ADGRV1: variants seen among roughly 807,000 people sequenced by gnomAD.
ADGRV1 encodes the protein adhesion G protein-coupled receptor V1.
Under a neutral mutation model 596.2 loss-of-function variants are expected in ADGRV1, and 359 were observed. The observed-to-expected ratio is 0.60, with a 90% CI of 0.55 to 0.66. ADGRV1 has a LOEUF of 0.66. ADGRV1 is among the 30% of genes least tolerant of loss of function. The pLI is 0.00. For synonymous variants in ADGRV1, 2,681 were observed against 2,679.2 expected (o/e 1.00, Z -0.02); for missense variants, 7,274 against 7,575.6 (o/e 0.96, Z 1.48).
intron 85 of ADGRV1, among the ~76,000 whole-genome samples, chr5:91,018,764 C>T (rs76576264): frequency 0.019 from 2,902 of 152,086 alleles, 84 homozygotes; most frequent in African/African-American, 0.065. Flanking sequence ...ACTTAGGATT[C>T]ATGCTAATAC....
intron 85 of ADGRV1, among the ~76,000 whole-genome samples, chr5:91,043,494 A>T (rs888258764): frequency 6.6e-6 from 1 of 152,012 alleles, no homozygotes; most frequent in African/African-American, 2.4e-5. Flanking sequence ...TAGAGCACAG[A>T]CTCGGGAGCC....
rs1766733107 is a variant in ADGRV1, at chr5:90,853,526, A to C, written c.17447A>C (p.Lys5816Thr). ...AGTGGAAACAATCTTCCTACCCTAA[A>C]AAATAAGGTAATCTTTCATTCAAAA... ...FISGNNLPTLKNKVLSLSVKG... is the reference protein window; with the variant it reads ...FISGNNLPTLTNKVLSLSVKG... Residue 5816 changes from lysine (K) to threonine (T), a missense_variant, in exon 80 of 90, where the codon AAA (lysine) becomes ACA (threonine). By Grantham distance (78) the Lys-to-Thr change is moderately conservative. Coordinates refer to ENST00000405460, the MANE Select transcript of ADGRV1 (RefSeq NM_032119.4). The C allele has an allele frequency of 6.2e-7, 1 of 1,608,926 alleles. No homozygotes were observed. Among genetic ancestry groups the C allele is most frequent in the African/African-American group, 1.3e-5 (1 of 74,854 alleles).
At chr5:90,928,704 C>T (rs1346409356) in intron 83 of ADGRV1, among the ~76,000 whole-genome samples, 6 of 150,698 alleles carry the variant, frequency 4.0e-5, no homozygotes, top group South Asian at 2.1e-4. Flanking sequence ...GGAGGAGAGG[C>T]GCTCTGCTTT....
rs4019336 is a variant in ADGRV1 at position 90,986,088 on chromosome 5, AATAT to A, written c.18152+581_18152+584del. ...TGTACATATGCACATATATATGCAT[AATAT>A]ATATATATATATATTATGCATATAT... On this transcript the variant is annotated intron_variant, in intron 85 of 89. Transcript: ENST00000405460. Among the ~76,000 whole-genome samples, 325 of 141,476 alleles carry A rather than the reference AATAT, an allele frequency of 2.3e-3. 2 individuals carry two copies. The highest frequency in any genetic ancestry group is 6.1e-3 in the African/African-American group (237 of 38,992). 92.8% of individuals were successfully genotyped at this position (141,476 alleles called of 152,430 possible).
intron 86 of ADGRV1, among the ~76,000 whole-genome samples, chr5:91,093,060 G>A (rs1224181813): frequency 2.0e-5 from 3 of 152,158 alleles, no homozygotes; most frequent in Admixed American, 2.0e-4. Flanking sequence ...TAGGAACATG[G>A]AATTTGTCTT....
rs775257016 is a variant in ADGRV1, at chr5:90,697,007, A to G, written c.8016A>G (p.Ile2672Met). 6.2e-7 allele frequency: 1 copy of G among 1,613,292 alleles called. No homozygotes were observed. The highest frequency in any genetic ancestry group is 1.1e-5 in the South Asian group (1 of 91,060). The change falls in exon 34 of 90, where the codon ATA becomes ATG. Residue 2672 changes from isoleucine (I) to methionine (M), a missense_variant. Around this residue, in one of 5 missense-constraint regions of ADGRV1, gnomAD observed 3,643 missense variants for 3,809.2 expected, o/e 0.96. Coordinates refer to ENST00000405460, the MANE Select transcript of ADGRV1 (RefSeq NM_032119.4). ...DSEPEDDESI[I>M]VSLVYTEGGS... ...AACCAGAGGATGACGAAAGTATCATAGTTAGTTTGGTGTACACTGAAGGTG... is the reference window on the plus strand; with the variant it reads ...AACCAGAGGATGACGAAAGTATCATGGTTAGTTTGGTGTACACTGAAGGTG...
intron 27 of ADGRV1, among the ~76,000 whole-genome samples, chr5:90,682,945 G>C (rs909253585): frequency 6.6e-6 from 1 of 152,118 alleles, no homozygotes; most frequent in African/African-American, 2.4e-5. Flanking sequence ...GAAGATAAAA[G>C]TAAATGTGAT....
chr5:91,117,575 A>G (rs774526676), intron 87 of ADGRV1, among the ~76,000 whole-genome samples: 42 of 152,204 alleles, frequency 2.8e-4, no homozygotes, highest in Non-Finnish European at 3.7e-4. Context: ...CAGGGATTCT[A>G]TAATCAGTTT....
intron 59 of ADGRV1, among the ~76,000 whole-genome samples, chr5:90,771,373 C>T (rs1757675146): frequency 6.6e-6 from 1 of 152,242 alleles, no homozygotes; most frequent in Non-Finnish European, 1.5e-5. Context: ...ATTAATTTCT[C>T]TCACATTTGG....
At chr5:90,613,791 T>A (rs575720103) in intron 1 of ADGRV1, among the ~76,000 whole-genome samples, 1 of 152,208 alleles carries the variant, frequency 6.6e-6, no homozygotes, top group South Asian at 2.1e-4. Flanking sequence ...CAGGAACTCA[T>A]ATATTTGGCG....
chr5:90,772,231 C>T (rs1757769155), intron 59 of ADGRV1, among the ~76,000 whole-genome samples: 1 of 152,266 alleles, frequency 6.6e-6, no homozygotes, highest in Non-Finnish European at 1.5e-5. Flanking sequence ...GTCGATACTT[C>T]TGGTGTTTTC....
At chr5:90,816,732 G>A (rs1161801335) in intron 75 of ADGRV1, among the ~76,000 whole-genome samples, 1 of 151,832 alleles carries the variant, frequency 6.6e-6, no homozygotes, top group Non-Finnish European at 1.5e-5. Flanking sequence ...CCCTACAAAG[G>A]ACATGAACTC....
At chr5:90,735,132 G>A (rs1011042741) in intron 50 of ADGRV1, among the ~76,000 whole-genome samples, 5 of 152,164 alleles carry the variant, frequency 3.3e-5, no homozygotes, top group Admixed American at 6.5e-5. Flanking sequence ...GATATTCCCC[G>A]TTTTCACTGA....
intron 85 of ADGRV1, among the ~76,000 whole-genome samples, chr5:91,065,815 A>C (rs1190340446): frequency 1.3e-5 from 2 of 152,216 alleles, no homozygotes; most frequent in African/African-American, 4.8e-5. Flanking sequence ...AGGAGGAAAA[A>C]CTGAAGGTAA....
intron 21 of ADGRV1, among the ~76,000 whole-genome samples, chr5:90,659,077 G>C (rs535026953): frequency 6.6e-5 from 10 of 152,254 alleles, no homozygotes; most frequent in African/African-American, 2.4e-4. Context: ...CTTAAACTGG[G>C]ATGTCTGCCT....
At chr5:90,659,459 T>G (rs944209723) in intron 21 of ADGRV1, among the ~76,000 whole-genome samples, 53 of 152,328 alleles carry the variant, frequency 3.5e-4, no homozygotes, top group Non-Finnish European at 1.9e-4. Context: ...CAGTAACTAG[T>G]ATTTTTCAAG....
chr5:90,848,554 AAC>A (rs1766146844), intron 78 of ADGRV1, 81 bp from the exon 79 acceptor site: 31 of 624,524 alleles, frequency 5.0e-5, no homozygotes, highest in South Asian at 1.7e-4. Flanking sequence ...ATTAATAAGG[AAC>A]ACACACACAT....
intron 34 of ADGRV1, among the ~76,000 whole-genome samples, chr5:90,703,032 T>C (rs1415506454): frequency 1.3e-5 from 2 of 152,004 alleles, no homozygotes; most frequent in Non-Finnish European, 2.9e-5. Context: ...TGAAGTATTA[T>C]ATGGGGAAAA....
intron 78 of ADGRV1, among the ~76,000 whole-genome samples, chr5:90,842,262 G>T (rs979974024): frequency 6.6e-6 from 1 of 152,096 alleles, no homozygotes; most frequent in African/African-American, 2.4e-5. Context: ...TAGTACTATC[G>T]TGAATAATAC....
Sources: gnomAD v4.1 joint callset for allele counts (sites outside exome capture counted in the v4.1 genomes callset) on GRCh38, gnomAD v4.1.1 for gene constraint, gnomAD v4.1.1 regional missense constraint, MANE v1.5 for transcripts, NCBI Gene and HGNC (gene_info 2026-07-23, HGNC 2026-07-21) for gene names.